CNTLN: variants seen among roughly 807,000 people sequenced by gnomAD.
CNTLN encodes the protein centlein, centrosomal protein.
A neutral mutation model predicts 180.0 loss-of-function variants in CNTLN; 212 were observed. The ratio of observed to expected loss-of-function variants is 1.18; its 90% confidence interval spans 1.05 to 1.32. The LOEUF is 1.32. Ranked by LOEUF, CNTLN falls within the 40% of genes most tolerant of loss-of-function variation. The pLI is 0.00. For synonymous variants in CNTLN, 722 were observed against 563.1 expected, an observed-to-expected ratio of 1.28 and a Z score of -3.99; for missense variants, 2,095 against 1,610.9, an observed-to-expected ratio of 1.30 and a Z score of -5.14.
intron 13 of CNTLN, among the ~76,000 whole-genome samples, chr9:17,379,549 C>G (rs1025068312): frequency 6.6e-6 from 1 of 152,154 alleles, no homozygotes. Flanking sequence ...AATTAAAGAA[C>G]TCACCTCATT....
At chr9:17,515,563 C>G in the CNTLN span, among the ~76,000 whole-genome samples, 3 of 152,124 alleles carry the variant, frequency 2.0e-5, no homozygotes, top group South Asian at 2.1e-4. Flanking sequence ...ATCACTCCCC[C>G]CAGTCAGTAA....
At chr9:17,499,826 C>T (rs1024085070) in intron 25 of CNTLN, among the ~76,000 whole-genome samples, 10 of 152,008 alleles carry the variant, frequency 6.6e-5, no homozygotes, top group Non-Finnish European at 1.3e-4. Context: ...TGGAAGACCT[C>T]TTTGAAAGCT....
At chr9:17,508,518 A>G (rs1181812398), downstream of CNTLN, among the ~76,000 whole-genome samples, 3 of 152,186 alleles carry the variant, frequency 2.0e-5, no homozygotes, top group Non-Finnish European at 4.4e-5. Context: ...TGAGATACAG[A>G]ACTGTTCCAT....
At chr9:17,346,190 G>T (rs141724957) in intron 12 of CNTLN, among the ~76,000 whole-genome samples, 1 of 152,264 alleles carries the variant, frequency 6.6e-6, no homozygotes, top group East Asian at 1.9e-4. Flanking sequence ...GGAGTGAGAA[G>T]TGAAGGGGGA....
rs1826155221 is a variant in CNTLN at position 17,392,057 on chromosome 9, G to GA, written c.2080-2471dup. Among the ~76,000 whole-genome samples, 3 of 151,654 alleles carry GA rather than the reference G, an allele frequency of 2.0e-5. No individual in the cohort carries two copies. In the South Asian group the frequency reaches 6.2e-4, roughly 31 times the overall value. On this transcript the variant is annotated intron_variant, in intron 14 of 25. Transcript: ENST00000380647. ...TGTATCACCAAAGTCACTGTTTAAA[G>GA]AAAAAATGTGGACCAATCAAGGCAA...
At chr9:17,430,858 C>T (rs564697149) in intron 18 of CNTLN, among the ~76,000 whole-genome samples, 31 of 152,154 alleles carry the variant, frequency 2.0e-4, no homozygotes, top group African/African-American at 7.0e-4. Context: ...CAGTTACTCC[C>T]ATCTTATTGG....
the CNTLN span, among the ~76,000 whole-genome samples, chr9:17,512,095 A>G: frequency 1.3e-5 from 2 of 152,220 alleles, no homozygotes; most frequent in Non-Finnish European, 2.9e-5. Flanking sequence ...ATTCTTCCAC[A>G]GTAAATGAAC....
intron 12 of CNTLN, among the ~76,000 whole-genome samples, chr9:17,353,097 A>G (rs557312206): frequency 2.0e-5 from 3 of 152,062 alleles, no homozygotes; most frequent in Non-Finnish European, 4.4e-5. Flanking sequence ...TCACTGGGCC[A>G]CATGCTAATC....
intron 15 of CNTLN, among the ~76,000 whole-genome samples, chr9:17,402,930 G>T (rs978667178): frequency 1.5e-4 from 22 of 151,660 alleles, no homozygotes; most frequent in Non-Finnish European, 1.5e-5. Context: ...CATCCTGTTG[G>T]TTCCATTTCT....
intron 2 of CNTLN, among the ~76,000 whole-genome samples, chr9:17,149,862 G>A (rs1274067903): frequency 6.6e-6 from 1 of 152,104 alleles, no homozygotes; most frequent in African/African-American, 2.4e-5. Flanking sequence ...GGCGTGAGAT[G>A]GTATCTCGTT....
the CNTLN span, among the ~76,000 whole-genome samples, chr9:17,511,937 A>G: frequency 2.6e-5 from 4 of 152,216 alleles, no homozygotes; most frequent in South Asian, 6.2e-4. Flanking sequence ...CAAAATTACA[A>G]CTACTTCTTG....
the CNTLN span, among the ~76,000 whole-genome samples, chr9:17,517,423 A>T: frequency 9.4e-4 from 143 of 151,980 alleles, 2 homozygotes; most frequent in African/African-American, 3.3e-3. Context: ...TTAAAAATAA[A>T]TAAAAATAAA....
intron 2 of CNTLN, among the ~76,000 whole-genome samples, chr9:17,190,732 C>G (rs575568611): frequency 6.6e-6 from 1 of 152,082 alleles, no homozygotes; most frequent in Non-Finnish European, 1.5e-5. Context: ...TGATTTTAGA[C>G]TTGAAAAGTA....
intron 10 of CNTLN, among the ~76,000 whole-genome samples, chr9:17,336,629 G>T (rs1376937919): frequency 6.6e-6 from 1 of 152,068 alleles, no homozygotes; most frequent in Non-Finnish European, 1.5e-5. Flanking sequence ...AATTTTATAA[G>T]ACTTATGTAA....
In CNTLN at chr9:17,388,143, A is replaced by T. The variant is rs1169494882; in HGVS notation, c.1988-19A>T. On this transcript the variant is annotated intron_variant, in intron 13 of 25. Coordinates refer to ENST00000380647, the MANE Select transcript of CNTLN (RefSeq NM_017738.4). Reference sequence around the variant, plus strand: ...AGCAGTACACGTGGTATCATAATATATTATTTATTCTCTACCAGAACAGCT... The same window carrying T: ...AGCAGTACACGTGGTATCATAATATTTTATTTATTCTCTACCAGAACAGCT... 18 of 1,515,606 alleles carry T rather than the reference A, an allele frequency of 1.2e-5. No individual in the cohort carries two copies. The highest frequency in any genetic ancestry group is 1.6e-5 in the Non-Finnish European group (18 of 1,094,448). 93.9% of individuals were successfully genotyped at this position (1,515,606 alleles called of 1,614,324 possible).
At chr9:17,284,985 C>A (rs1828890856) in intron 6 of CNTLN, among the ~76,000 whole-genome samples, 2 of 148,832 alleles carry the variant, frequency 1.3e-5, no homozygotes. Flanking sequence ...CAAAGAACTT[C>A]TTGATTTCTG....
chr9:17,246,529 C>G (rs1825803115), intron 5 of CNTLN, among the ~76,000 whole-genome samples: 1 of 152,124 alleles, frequency 6.6e-6, no homozygotes, highest in Non-Finnish European at 1.5e-5. Context: ...TCACTAAGGC[C>G]CATGGATACC....
intron 2 of CNTLN, among the ~76,000 whole-genome samples, chr9:17,210,702 C>T (rs561177247): frequency 2.6e-4 from 40 of 152,286 alleles, no homozygotes; most frequent in Non-Finnish European, 3.7e-4. Flanking sequence ...CCTGTTTCTC[C>T]GCATCCAGCA....
intron 5 of CNTLN, among the ~76,000 whole-genome samples, chr9:17,250,199 C>G (rs1219411193): frequency 6.6e-6 from 1 of 151,850 alleles, no homozygotes; most frequent in Non-Finnish European, 1.5e-5. Flanking sequence ...CTTCTGGTTA[C>G]TATTTTCATG....
Sources: allele counts gnomAD v4.1 joint callset (sites outside exome capture counted in the v4.1 genomes callset), GRCh38; gene constraint gnomAD v4.1.1; transcripts MANE v1.5; gene names NCBI Gene and HGNC (gene_info 2026-07-23, HGNC 2026-07-21).